ASAP2: variants seen among roughly 807,000 people sequenced by gnomAD.
ASAP2 encodes ArfGAP with SH3 domain, ankyrin repeat and PH domain 2.
In ASAP2, 45 loss-of-function variants were observed where a neutral mutation model predicts 131.4. The observed-to-expected ratio is 0.34, with a 90% CI of 0.27 to 0.44. ASAP2 has a LOEUF of 0.44. Ranked by LOEUF, ASAP2 falls within the 20% of genes least tolerant of loss-of-function variation. The pLI, the probability that ASAP2 is intolerant of heterozygous loss-of-function variation, is 1.00. For missense variants in ASAP2, 1,011 were observed against 1,297.0 expected (o/e 0.78, Z 3.39); for synonymous variants, 510 against 503.0 (o/e 1.01, Z -0.19).
At chr2:9,291,794 G>T (rs1184076588) in intron 2 of ASAP2, among the ~76,000 whole-genome samples, 3 of 152,130 alleles carry the variant, frequency 2.0e-5, no homozygotes, top group Non-Finnish European at 4.4e-5. Flanking sequence ...GGGCTGGGTA[G>T]CCATAAGGCT....
chr2:9,283,970 T>A (rs1361132741), intron 2 of ASAP2, among the ~76,000 whole-genome samples: 1 of 152,180 alleles, frequency 6.6e-6, no homozygotes, highest in Non-Finnish European at 1.5e-5. Flanking sequence ...TATATGAATC[T>A]GGGGGAAGGG....
intron 23 of ASAP2, 45 bp downstream of exon 23, chr2:9,391,241 A>C (rs574637131): frequency 6.3e-7 from 1 of 1,576,670 alleles, no homozygotes; most frequent in East Asian, 2.2e-5. Flanking sequence ...GGCTTTGTAG[A>C]TCTGGATGGC....
In ASAP2 at chr2:9,405,506, G is replaced by A. The variant is rs544527886; in HGVS notation, c.*2179G>A. ...GCTATTTTGAGATGTATGATATTCA[G>A]TTCATTCACCTGATTACTTTGGTTG... On this transcript the variant is annotated 3_prime_UTR_variant, in exon 28 of 28. Transcript: ENST00000281419. 1 of 152,652 alleles carries A rather than the reference G, an allele frequency of 6.6e-6. No individual in the cohort carries two copies. Among genetic ancestry groups the A allele is most frequent in the East Asian group, 1.9e-4 (1 of 5,184 alleles). The allele number at this position is 152,652 out of a possible 1,614,324, so 9.5% of individuals were successfully genotyped here.
intron 3 of ASAP2, among the ~76,000 whole-genome samples, chr2:9,316,393 T>C (rs1206594304): frequency 6.6e-6 from 1 of 152,210 alleles, no homozygotes; most frequent in African/African-American, 2.4e-5. Context: ...TATCTTCCTA[T>C]TTAAGATAAT....
At chr2:9,335,534 C>T (rs987298360) in intron 9 of ASAP2, among the ~76,000 whole-genome samples, 2 of 152,218 alleles carry the variant, frequency 1.3e-5, no homozygotes, top group Non-Finnish European at 2.9e-5. Context: ...CCCTGACATA[C>T]GTGGACTCTG....
intron 7 of ASAP2, 52 bp from the exon 8 acceptor site, chr2:9,334,686 A>G: frequency 6.5e-7 from 1 of 1,548,570 alleles, no homozygotes; most frequent in South Asian, 1.1e-5. Context: ...GTCTGACAAA[A>G]TTATTTTTTC....
At chr2:9,260,676 G>C (rs1665516931) in intron 1 of ASAP2, among the ~76,000 whole-genome samples, 1 of 152,072 alleles carries the variant, frequency 6.6e-6, no homozygotes, top group Admixed American at 6.5e-5. Context: ...TCCCTATTCT[G>C]GGTTTTTCTC....
intron 1 of ASAP2, among the ~76,000 whole-genome samples, chr2:9,218,882 C>G (rs1208932766): frequency 2.0e-5 from 3 of 152,152 alleles, no homozygotes; most frequent in African/African-American, 7.2e-5. Flanking sequence ...AACGTTACCT[C>G]TTTCATCCCC....
At chr2:9,384,790 A>T (rs1249403974) in intron 20 of ASAP2, among the ~76,000 whole-genome samples, 2 of 152,096 alleles carry the variant, frequency 1.3e-5, no homozygotes, top group East Asian at 3.9e-4. Flanking sequence ...GTCCTCTTTG[A>T]TTTTTATGGA....
At chr2:9,400,931 G>C in intron 26 of ASAP2, 101 bp downstream of exon 26, 4 of 1,221,052 alleles carry the variant, frequency 3.3e-6, no homozygotes, top group Non-Finnish European at 4.7e-6. Flanking sequence ...TCTTCCCCTG[G>C]CTGGGGCAGG....
chr2:9,286,447 A>AATATATAT (rs1553304561), intron 2 of ASAP2, among the ~76,000 whole-genome samples: 3 of 148,418 alleles, frequency 2.0e-5, no homozygotes, highest in African/African-American at 7.6e-5. Context: ...GAAAAAAAAA[A>AATATATAT]ATATATATAT....
chr2:9,394,800 T>TG (rs1333429201), intron 24 of ASAP2, among the ~76,000 whole-genome samples: 7 of 152,162 alleles, frequency 4.6e-5, no homozygotes, highest in African/African-American at 1.7e-4. Flanking sequence ...GATGGTACTG[T>TG]GGGGTCTTCG....
chr2:9,313,619 G>A (rs889808292), intron 3 of ASAP2, among the ~76,000 whole-genome samples: 2 of 152,182 alleles, frequency 1.3e-5, no homozygotes, highest in African/African-American at 2.4e-5. Flanking sequence ...TTTCTTGCAC[G>A]TGCCTTGTTC....
chr2:9,335,241 G>A (rs1671125818), intron 9 of ASAP2, 62 bp downstream of exon 9: 1 of 1,446,328 alleles, frequency 6.9e-7, no homozygotes, highest in Non-Finnish European at 9.7e-7. Flanking sequence ...CTTTGGGTCT[G>A]AAGAACATGA....
At chr2:9,271,621 G>C in intron 1 of ASAP2, 1 of 1,060,402 alleles carries the variant, frequency 9.4e-7, no homozygotes, top group Non-Finnish European at 1.4e-6. Flanking sequence ...GTTCTGGATA[G>C]TGGACATACG....
intron 18 of ASAP2, 148 bp downstream of exon 18, chr2:9,377,141 G>T (rs1674467057): frequency 8.7e-6 from 6 of 687,206 alleles, no homozygotes; most frequent in African/African-American, 1.8e-5. Flanking sequence ...AGGACTGCCA[G>T]GTGTGAGGTA....
chr2:9,305,965 G>A (rs1193242234), intron 3 of ASAP2, among the ~76,000 whole-genome samples: 8 of 147,864 alleles, frequency 5.4e-5, no homozygotes, highest in Non-Finnish European at 6.0e-5. Flanking sequence ...ATTGGTGGAG[G>A]GGCTGTAGTA....
At chr2:9,336,989 G>C (rs544854443) in intron 9 of ASAP2, among the ~76,000 whole-genome samples, 1 of 152,392 alleles carries the variant, frequency 6.6e-6, no homozygotes, top group African/African-American at 2.4e-5. Context: ...TGCTTTGCCT[G>C]TGCAGAATTA....
chr2:9,330,983 G>C (rs1264860841), intron 7 of ASAP2, among the ~76,000 whole-genome samples: 6 of 152,222 alleles, frequency 3.9e-5, no homozygotes, highest in Non-Finnish European at 2.9e-5. Context: ...TCACATTCTG[G>C]AGGGTACAAC....
Sources: allele counts gnomAD v4.1 joint callset (sites outside exome capture counted in the v4.1 genomes callset), GRCh38; gene constraint gnomAD v4.1.1; transcripts MANE v1.5; gene names NCBI Gene and HGNC (gene_info 2026-07-23, HGNC 2026-07-21).